The following FRMD4A variants were observed in gnomAD, a reference collection of about 807,000 sequenced individuals.
FRMD4A encodes FERM domain containing 4A.
In FRMD4A, 29 loss-of-function variants were observed where a neutral mutation model predicts 129.1. The observed-to-expected ratio is 0.22, with a 90% confidence interval of 0.17 to 0.31. The LOEUF (loss-of-function observed/expected upper bound fraction) is 0.31, where lower values mean the gene tolerates loss of function less well. FRMD4A is among the 10% of genes least tolerant of loss of function. FRMD4A has a pLI of 1.00. For missense variants in FRMD4A, 1,272 were observed against 1,375.8 expected, an observed-to-expected ratio of 0.92 and a Z score of 1.19; for synonymous variants, 634 against 571.6, an observed-to-expected ratio of 1.11 and a Z score of -1.56.
intron 2 of FRMD4A, among the ~76,000 whole-genome samples, chr10:14,207,313 G>C (rs1158303035): frequency 6.6e-6 from 1 of 152,140 alleles, no homozygotes; most frequent in Non-Finnish European, 1.5e-5. Flanking sequence ...GGGGTGGGGT[G>C]ATGGTTTCGG....
At chr10:14,160,330 T>A (rs182828861) in intron 2 of FRMD4A, among the ~76,000 whole-genome samples, 9 of 152,204 alleles carry the variant, frequency 5.9e-5, no homozygotes, top group Admixed American at 3.3e-4. Flanking sequence ...CCTGAAATTA[T>A]AAAATTACTA....
intron 3 of FRMD4A, among the ~76,000 whole-genome samples, chr10:13,824,302 C>G (rs2093669054): frequency 7.3e-6 from 1 of 136,764 alleles, no homozygotes; most frequent in South Asian, 2.5e-4. Context: ...ATGGTGAAAC[C>G]CTATCTGTAC....
chr10:14,305,887 C>T (rs915474171), intron 2 of FRMD4A, among the ~76,000 whole-genome samples: 1 of 152,174 alleles, frequency 6.6e-6, no homozygotes. Flanking sequence ...AAATCAAATA[C>T]TGCATATTCT....
intron 3 of FRMD4A, among the ~76,000 whole-genome samples, chr10:13,848,237 G>A (rs890763100): frequency 6.6e-5 from 10 of 152,074 alleles, no homozygotes; most frequent in African/African-American, 1.2e-4. Flanking sequence ...AAGATATCAC[G>A]GAAAAAATAA....
chr10:14,319,312 T>C (rs1235803515), intron 2 of FRMD4A, among the ~76,000 whole-genome samples: 1 of 133,648 alleles, frequency 7.5e-6, no homozygotes, highest in African/African-American at 2.6e-5. Context: ...TGTGGGATAG[T>C]TTGTTTTACA....
At chr10:13,781,732 G>A (rs796313650) in intron 6 of FRMD4A, among the ~76,000 whole-genome samples, 23 of 152,208 alleles carry the variant, frequency 1.5e-4, no homozygotes, top group African/African-American at 4.1e-4. Flanking sequence ...AGACACAAAA[G>A]GACAAATATA....
rs149072810 is a variant in FRMD4A, at chr10:13,942,171, G to C, written c.46-83259C>G. The stretch of plus-strand genomic sequence containing the variant: ...ATGTCTGAAAACTGCTCTGCCACAG[G>C]GTAAATGATTCAGAAAGTTTCTGAT... On this transcript the variant is annotated intron_variant, in intron 2 of 24. Transcript: ENST00000357447. Among the ~76,000 whole-genome samples, 1,382 of 152,274 alleles carry C rather than the reference G, an allele frequency of 9.1e-3. 8 individuals are homozygous for C. Among genetic ancestry groups the C allele is most frequent in the Non-Finnish European group, 0.014 (935 of 68,006 alleles).
intron 14 of FRMD4A, among the ~76,000 whole-genome samples, chr10:13,695,464 T>A (rs1467505278): frequency 1.3e-5 from 2 of 152,202 alleles, no homozygotes; most frequent in Non-Finnish European, 2.9e-5. Context: ...TTATAAGGTA[T>A]CTGCTCCAGT....
intron 12 of FRMD4A, among the ~76,000 whole-genome samples, chr10:13,726,962 G>A (rs561610435): frequency 2.0e-5 from 3 of 152,218 alleles, no homozygotes; most frequent in East Asian, 3.9e-4. Context: ...GGAGTGCGAT[G>A]GCACGACCTC....
intron 2 of FRMD4A, among the ~76,000 whole-genome samples, chr10:14,135,989 T>G (rs142052208): frequency 6.6e-6 from 1 of 152,328 alleles, no homozygotes; most frequent in East Asian, 1.9e-4. Flanking sequence ...CACTGAATGT[T>G]GCTTGTCACC....
At chr10:13,971,521 G>T in intron 2 of FRMD4A, 1 of 460,526 alleles carries the variant, frequency 2.2e-6, no homozygotes, top group Non-Finnish European at 4.1e-6. Context: ...CTCTGTTCAT[G>T]TTAACTGCTC....
chr10:14,180,812 A>G (rs1458731708), intron 2 of FRMD4A, among the ~76,000 whole-genome samples: 1 of 152,226 alleles, frequency 6.6e-6, no homozygotes, highest in Non-Finnish European at 1.5e-5. Context: ...GATGGGTTGT[A>G]TGATTACTAT....
chr10:14,039,368 GTCCATCCATCCA>G lies in FRMD4A; in HGVS notation c.46-180468_46-180457del, dbSNP rs61121735. ...TGCTCACTTTCTGATCTGTCCGTCC[GTCCATCCATCCA>G]TCCATCCATCCATCCATCCATCCAT... On this transcript the variant is annotated intron_variant, in intron 2 of 24. Transcript: ENST00000357447. Among the ~76,000 whole-genome samples the G allele has an allele frequency of 1.2e-4, 13 of 109,508 alleles. No homozygotes were observed. The East Asian group carries it at 1.5e-3, about 13-fold the overall frequency. 71.8% of individuals were successfully genotyped at this position (109,508 alleles called of 152,430 possible).
chr10:14,245,495 T>G (rs1844201250), intron 2 of FRMD4A, among the ~76,000 whole-genome samples: 1 of 152,142 alleles, frequency 6.6e-6, no homozygotes, highest in African/African-American at 2.4e-5. Flanking sequence ...TCAAGTCCTG[T>G]TGTGGGCTGA....
intron 2 of FRMD4A, among the ~76,000 whole-genome samples, chr10:13,914,181 G>T (rs940650055): frequency 4.6e-5 from 7 of 152,250 alleles, no homozygotes; most frequent in African/African-American, 1.4e-4. Flanking sequence ...GGATTACAGG[G>T]CAGAGTATGC....
chr10:14,217,886 A>C (rs1339850784), intron 2 of FRMD4A, among the ~76,000 whole-genome samples: 1 of 151,202 alleles, frequency 6.6e-6, no homozygotes, highest in African/African-American at 2.4e-5. Flanking sequence ...GATGGAGTGC[A>C]GTGGCACTAT....
At chr10:13,757,663 T>A (rs1037628975) in intron 8 of FRMD4A, among the ~76,000 whole-genome samples, 1 of 152,144 alleles carries the variant, frequency 6.6e-6, no homozygotes, top group Admixed American at 6.5e-5. Context: ...AGCAAGTGAG[T>A]TTCATGAGAA....
intron 6 of FRMD4A, among the ~76,000 whole-genome samples, chr10:13,778,573 G>A (rs1259460277): frequency 6.6e-6 from 1 of 151,498 alleles, no homozygotes; most frequent in Non-Finnish European, 1.5e-5. Flanking sequence ...CAGAAGGAAA[G>A]TGATGGCTGA....
intron 2 of FRMD4A, among the ~76,000 whole-genome samples, chr10:14,111,959 A>C: frequency 1.6e-5 from 1 of 64,018 alleles, no homozygotes; most frequent in East Asian, 5.6e-4. Context: ...GAGGGAGAGG[A>C]GGGGAGGGGA....
Sources: gnomAD v4.1 joint callset for allele counts (sites outside exome capture counted in the v4.1 genomes callset) on GRCh38, gnomAD v4.1.1 for gene constraint, MANE v1.5 for transcripts, NCBI Gene and HGNC (gene_info 2026-07-23, HGNC 2026-07-21) for gene names.